SMARCAD1: variants seen among roughly 807,000 people sequenced by gnomAD.
SMARCAD1 encodes SNF2 related chromatin remodeling ATPase with DExD box 1, also known as SWI/SNF-related matrix-associated actin-dependent regulator of chromatin subfamily A containing DEAD/H box 1.
A neutral mutation model predicts 127.1 loss-of-function variants in SMARCAD1; 25 were observed. The ratio of observed to expected loss-of-function variants is 0.20; its 90% CI spans 0.14 to 0.27. The LOEUF (loss-of-function observed/expected upper bound fraction) is 0.27, where lower values mean the gene tolerates loss of function less well. Among genes scored for constraint, SMARCAD1 ranks in the 10% least tolerant of loss-of-function variants. The pLI is 1.00. For synonymous variants in SMARCAD1, 400 were observed against 396.9 expected (o/e 1.01, Z -0.09); for missense variants, 807 against 1,206.0 (o/e 0.67, Z 4.90).
intron 4 of SMARCAD1, among the ~76,000 whole-genome samples, chr4:94,235,668 CAAAT>C (rs1746550006): frequency 9.0e-6 from 1 of 111,042 alleles, no homozygotes. Flanking sequence ...TTTGTGGAAA[CAAAT>C]GTAGACATGA....
intron 5 of SMARCAD1, among the ~76,000 whole-genome samples, chr4:94,239,240 T>A (rs1269538538): frequency 1.3e-5 from 2 of 152,206 alleles, no homozygotes; most frequent in African/African-American, 4.8e-5. Context: ...ACTATGTTAT[T>A]GAGACAGGAA....
intron 17 of SMARCAD1, 48 bp downstream of exon 17, chr4:94,278,565 G>C: frequency 1.9e-6 from 3 of 1,609,846 alleles, no homozygotes; most frequent in Non-Finnish European, 2.5e-6. Flanking sequence ...TTAAAACTTA[G>C]GTTTTTCTCT....
chr4:94,249,566 G>A lies in SMARCAD1; in HGVS notation c.706-88G>A, dbSNP rs1052356403. The A allele has an allele frequency of 3.9e-6, 3 of 764,450 alleles. No individual in the cohort carries two copies. In the African/African-American group the frequency reaches 5.2e-5, roughly 13 times the overall value. 47.4% of individuals were successfully genotyped at this position (764,450 alleles called of 1,614,324 possible). Reference sequence around the variant, plus strand: ...TTCTGACTGATGATGATAATTTTCAGATCAAGTCAAAATACAATGATAATT... The same window carrying A: ...TTCTGACTGATGATGATAATTTTCAAATCAAGTCAAAATACAATGATAATT... On this transcript the variant is annotated intron_variant, in intron 6 of 23. Transcript: ENST00000354268.
chr4:94,277,697 T>G (rs1374867213), intron 16 of SMARCAD1, among the ~76,000 whole-genome samples: 2 of 152,194 alleles, frequency 1.3e-5, no homozygotes, highest in Non-Finnish European at 2.9e-5. Flanking sequence ...AACTCCCAGT[T>G]TTTTCAATAC....
chr4:94,279,890 CTT>C (rs1299480297), intron 19 of SMARCAD1, among the ~76,000 whole-genome samples: 1 of 151,342 alleles, frequency 6.6e-6, no homozygotes, highest in Non-Finnish European at 1.5e-5. Flanking sequence ...TTGAGATAGA[CTT>C]TTGCTCTTGT....
At position 94,226,133 on chromosome 4, in the gene SMARCAD1, C is replaced by G. The variant is rs555203609; in HGVS notation, c.205C>G (p.Pro69Ala). 3.1e-6 allele frequency: 5 copies of G among 1,609,920 alleles called. No individual in the cohort carries two copies. In the South Asian group the frequency reaches 3.3e-5, roughly 11 times the overall value. Residue 69 changes from proline (P) to alanine (A), a missense_variant, in exon 3 of 24, where the codon CCA becomes GCA. Physicochemically the swap from Pro to Ala is conservative, Grantham distance 27 (BLOSUM62 -1). Around this residue, in one of 8 missense-constraint regions of SMARCAD1, gnomAD observed 175 missense variants for 169.5 expected, o/e 1.03. Transcript: ENST00000354268. ...ITEKTEDSSV[P>A]ETPDNERKAS... Reference sequence around the variant, plus strand: ...TTCTCTTGCAGAAGATTCTAGTGTTCCAGAAACTCCAGATAATGAAAGAAA... The same window carrying G: ...TTCTCTTGCAGAAGATTCTAGTGTTGCAGAAACTCCAGATAATGAAAGAAA...
chr4:94,256,922 A>G (rs1215959526), intron 9 of SMARCAD1, among the ~76,000 whole-genome samples: 1 of 152,208 alleles, frequency 6.6e-6, no homozygotes, highest in Non-Finnish European at 1.5e-5. Flanking sequence ...TTCTGTCCTC[A>G]GGGCTGTCTT....
At position 94,264,687 on chromosome 4, in the gene SMARCAD1, T is replaced by C; in HGVS notation, c.1282-20T>C. 6.3e-7 allele frequency: 1 copy of C among 1,597,282 alleles called. No individual in the cohort carries two copies. Among genetic ancestry groups the C allele is most frequent in the Non-Finnish European group, 8.6e-7 (1 of 1,167,656 alleles). ...TTCCTAGATCTGAACTATTCAATTA[T>C]TTTTCTTTTTATGCTATAGTTCACA... On this transcript the variant is annotated intron_variant, in intron 9 of 23. Transcript: ENST00000354268.
At chr4:94,253,205 T>G in intron 9 of SMARCAD1, 198 bp downstream of exon 9, 1 of 1,499,818 alleles carries the variant, frequency 6.7e-7, no homozygotes, top group Non-Finnish European at 8.9e-7. Flanking sequence ...AATTAAGGGG[T>G]GATTTTCCTG....
intron 6 of SMARCAD1, chr4:94,248,560 C>T: frequency 2.2e-6 from 1 of 455,954 alleles, no homozygotes; most frequent in Non-Finnish European, 4.4e-6. Flanking sequence ...ACCAGTATGT[C>T]TTATTATTCC....
At chr4:94,223,897 A>G (rs1744587599) in intron 2 of SMARCAD1, among the ~76,000 whole-genome samples, 1 of 151,936 alleles carries the variant, frequency 6.6e-6, no homozygotes, top group Non-Finnish European at 1.5e-5. Flanking sequence ...AGTCTTCCTG[A>G]AGTGTCAGAA....
intron 2 of SMARCAD1, among the ~76,000 whole-genome samples, chr4:94,216,911 G>A (rs954540804): frequency 1.3e-5 from 2 of 152,138 alleles, no homozygotes; most frequent in Non-Finnish European, 2.9e-5. Context: ...TATTCTCTTT[G>A]AAACCCTGCT....
At chr4:94,268,830 T>C (rs1392333140) in intron 10 of SMARCAD1, among the ~76,000 whole-genome samples, 2 of 152,232 alleles carry the variant, frequency 1.3e-5, no homozygotes, top group African/African-American at 4.8e-5. Context: ...TAGCATAGTC[T>C]GAAATATGGT....
intron 4 of SMARCAD1, 73 bp downstream of exon 4, chr4:94,234,195 G>A: frequency 7.5e-7 from 1 of 1,333,386 alleles, no homozygotes; most frequent in African/African-American, 1.5e-5. Context: ...AGTTAGTAGT[G>A]GATAGTCATT....
intron 9 of SMARCAD1, chr4:94,253,533 C>T (rs1032355574): frequency 9.0e-7 from 1 of 1,115,020 alleles, no homozygotes; most frequent in Non-Finnish European, 1.1e-6. Flanking sequence ...ACAGCTCAGT[C>T]TCTAACATGT....
At position 94,226,248 on chromosome 4, in the gene SMARCAD1, C is replaced by T. The variant is rs768527455; in HGVS notation, c.320C>T (p.Ser107Phe). 1.9e-6 allele frequency: 3 copies of T among 1,613,256 alleles called. No homozygotes were observed. Among genetic ancestry groups the T allele is most frequent in the South Asian group, 2.2e-5 (2 of 91,050 alleles). ...DSEDVVSPNC[S>F]NTVQEKTFNK... ...GAAGATGTCGTTTCCCCAAATTGCT[C>T]CAATACAGTTCAAGAGAAAACATTC... Residue 107 changes from serine to phenylalanine, a missense_variant, in exon 3 of 24, where the codon TCC (serine) becomes TTC (phenylalanine). Ser to Phe is a radical substitution (Grantham distance 155). Transcript: ENST00000354268.
intron 6 of SMARCAD1, among the ~76,000 whole-genome samples, chr4:94,244,078 A>G (rs1030663106): frequency 6.6e-6 from 1 of 152,256 alleles, no homozygotes; most frequent in Non-Finnish European, 1.5e-5. Context: ...CGAGTGCTGG[A>G]AAGTCCATAA....
chr4:94,208,109 G>A (rs1421951639), intron 1 of SMARCAD1, 39 bp downstream of exon 1: 30 of 556,638 alleles, frequency 5.4e-5, no homozygotes, highest in Non-Finnish European at 8.1e-5. Context: ...CGTGGTTTCA[G>A]TAAGGAGGGG....
At chr4:94,233,207 T>G (rs1193364620) in intron 3 of SMARCAD1, among the ~76,000 whole-genome samples, 1 of 152,224 alleles carries the variant, frequency 6.6e-6, no homozygotes, top group Non-Finnish European at 1.5e-5. Flanking sequence ...AGTCCCATCT[T>G]GCTTTCATTC....
Sources: gnomAD v4.1 joint callset for allele counts (sites outside exome capture counted in the v4.1 genomes callset) on GRCh38, gnomAD v4.1.1 for gene constraint, gnomAD v4.1.1 regional missense constraint, MANE v1.5 for transcripts, NCBI Gene and HGNC (gene_info 2026-07-23, HGNC 2026-07-21) for gene names.